Variants in EDA observed in about 807,000 individuals in gnomAD.
The protein encoded by EDA is ectodysplasin-A.
EDA carries 2 observed loss-of-function variants against 23.6 expected under a neutral mutation model. The observed-to-expected ratio is 0.08, with a 90% CI of 0.03 to 0.27. The LOEUF (loss-of-function observed/expected upper bound fraction) is 0.27, where lower values mean the gene tolerates loss of function less well. Ranked by LOEUF, EDA falls within the 10% of genes least tolerant of loss-of-function variation. EDA has a pLI of 1.00. For synonymous variants in EDA, 131 were observed against 132.0 expected (o/e 0.99, Z 0.05); for missense variants, 229 against 324.2 (o/e 0.71, Z 2.26).
Position 70,023,478 on chromosome X carries a change from C to CTTTTTTTTT in EDA, c.526+257_526+265dup, listed in dbSNP as rs754981946. The stretch of plus-strand genomic sequence containing the variant: ...TCTTCTCCCTGCCCTTCTTTTTATT[C>CTTTTTTTTT]TTTTTTTTTTTTTTTTTTTTTTTTT... On this transcript the variant is annotated intron_variant, in intron 3 of 7. Transcript: ENST00000374552. 8.0e-3 allele frequency among the ~76,000 whole-genome samples: 268 copies of CTTTTTTTTT among 33,499 alleles called. 8 individuals carry two copies. Among genetic ancestry groups the CTTTTTTTTT allele is most frequent in the Admixed American group, 9.4e-3 (19 of 2,012 alleles). The allele number at this position is 33,499 out of a possible 115,157, so 29.1% of individuals were successfully genotyped here.
chrX:69,938,753 C>T (rs916252401), intron 1 of EDA, among the ~76,000 whole-genome samples: 1 of 112,013 alleles, frequency 8.9e-6, no homozygotes, highest in African/African-American at 3.2e-5. Flanking sequence ...AGTCTTTAAT[C>T]CATTTTAATT....
chrX:69,888,160 A>G (rs960717294), intron 1 of EDA, among the ~76,000 whole-genome samples: 1 of 111,917 alleles, frequency 8.9e-6, no homozygotes, highest in Non-Finnish European at 1.9e-5. Flanking sequence ...CACAATATAA[A>G]GAGATGAATT....
intron 1 of EDA, among the ~76,000 whole-genome samples, chrX:69,762,736 G>A (rs2014348849): frequency 8.9e-6 from 1 of 111,828 alleles, no homozygotes. Context: ...GAAGAGGAAA[G>A]GTGATTTCCC....
At chrX:69,938,600 G>A (rs2018710681) in intron 1 of EDA, among the ~76,000 whole-genome samples, 1 of 111,833 alleles carries the variant, frequency 8.9e-6, no homozygotes, top group African/African-American at 3.2e-5. Context: ...CTATGTAGAA[G>A]TTTTTAATTT....
chrX:69,750,081 A>G (rs1040163540), intron 1 of EDA, among the ~76,000 whole-genome samples: 2 of 106,409 alleles, frequency 1.9e-5, no homozygotes, highest in Non-Finnish European at 3.9e-5. Context: ...GGTTTGTTAC[A>G]TATGTATACA....
intron 1 of EDA, among the ~76,000 whole-genome samples, chrX:69,740,727 G>C (rs181586316): frequency 9.1e-6 from 1 of 110,298 alleles, no homozygotes; most frequent in East Asian, 2.8e-4. Flanking sequence ...TTTTCTAATA[G>C]TTTTTCTGCC....
At chrX:69,890,493 C>T (rs938598663) in intron 1 of EDA, among the ~76,000 whole-genome samples, 4 of 110,157 alleles carry the variant, frequency 3.6e-5, no homozygotes, top group African/African-American at 1.3e-4. Context: ...TACTATACTA[C>T]CCAACTATAC....
chrX:69,685,929 A>G (rs997227257), intron 1 of EDA, among the ~76,000 whole-genome samples: 7 of 113,323 alleles, frequency 6.2e-5, no homozygotes, highest in Admixed American at 9.3e-5. Context: ...CATAAATAAC[A>G]TAAATAGCAT....
At chrX:69,719,845 G>A (rs1382236149) in intron 1 of EDA, among the ~76,000 whole-genome samples, 1 of 109,828 alleles carries the variant, frequency 9.1e-6, no homozygotes, top group African/African-American at 3.3e-5. Flanking sequence ...TGCCTCCCAG[G>A]TTCAAGCAAG....
At chrX:69,885,340 C>T (rs1358826998) in intron 1 of EDA, among the ~76,000 whole-genome samples, 1 of 111,956 alleles carries the variant, frequency 8.9e-6, no homozygotes, top group Non-Finnish European at 1.9e-5. Context: ...AACTATTAAA[C>T]ACTAACTCCC....
intron 1 of EDA, among the ~76,000 whole-genome samples, chrX:69,783,038 T>C (rs1363458001): frequency 8.9e-6 from 1 of 111,818 alleles, no homozygotes; most frequent in Non-Finnish European, 1.9e-5. Flanking sequence ...TTGATAAGCC[T>C]GAAGTGTAAG....
chrX:69,754,008 G>C (rs1488266856), intron 1 of EDA, among the ~76,000 whole-genome samples: 1 of 110,817 alleles, frequency 9.0e-6, no homozygotes, highest in Non-Finnish European at 1.9e-5. Flanking sequence ...ACATGGATGG[G>C]TCTTGACTCT....
chrX:69,981,807 G>T (rs552903733), intron 2 of EDA, among the ~76,000 whole-genome samples: 2 of 111,903 alleles, frequency 1.8e-5, no homozygotes, highest in African/African-American at 3.2e-5. Flanking sequence ...TAGGTAATTT[G>T]CCCAAAGCCA....
chrX:69,857,304 G>A (rs188444726), intron 1 of EDA, among the ~76,000 whole-genome samples: 1 of 111,997 alleles, frequency 8.9e-6, no homozygotes, highest in Non-Finnish European at 1.9e-5. Flanking sequence ...GTATTGTGAG[G>A]CCTCCAGATG....
chrX:69,943,149 C>A (rs1036101611), intron 1 of EDA, among the ~76,000 whole-genome samples: 3 of 111,642 alleles, frequency 2.7e-5, no homozygotes, highest in African/African-American at 9.8e-5. Flanking sequence ...ATGTTGAATT[C>A]TCTGAGAAGT....
intron 1 of EDA, among the ~76,000 whole-genome samples, chrX:69,727,061 T>G (rs1701180212): frequency 9.0e-6 from 1 of 111,600 alleles, no homozygotes; most frequent in Admixed American, 9.5e-5. Context: ...AATGCGGGTA[T>G]TTTATTGAGT....
chrX:69,914,452 CAT>C (rs1272775036), intron 1 of EDA, among the ~76,000 whole-genome samples: 1 of 111,773 alleles, frequency 8.9e-6, no homozygotes. Flanking sequence ...AGCATTTCCA[CAT>C]GTTACTTTTT....
intron 1 of EDA, among the ~76,000 whole-genome samples, chrX:69,774,372 C>G (rs1198143775): frequency 1.8e-5 from 2 of 111,431 alleles, no homozygotes; most frequent in African/African-American, 6.5e-5. Flanking sequence ...AGCCTCTTAG[C>G]TCTGTCTCAA....
At chrX:69,891,297 A>T (rs186510667) in intron 1 of EDA, among the ~76,000 whole-genome samples, 119 of 112,038 alleles carry the variant, frequency 1.1e-3, no homozygotes, top group African/African-American at 3.8e-3. Context: ...AGTGTAAATT[A>T]GCTCAACCAT....
Sources: gnomAD v4.1 joint callset for allele counts (sites outside exome capture counted in the v4.1 genomes callset) on GRCh38, gnomAD v4.1.1 for gene constraint, MANE v1.5 for transcripts, NCBI Gene and HGNC (gene_info 2026-07-23, HGNC 2026-07-21) for gene names.